CREB5: variants seen among roughly 807,000 people sequenced by gnomAD.
CREB5 encodes cAMP responsive element binding protein 5, also known as cyclic AMP-responsive element-binding protein 5.
A neutral mutation model predicts 57.1 loss-of-function variants in CREB5; 19 were observed. The ratio of observed to expected loss-of-function variants is 0.33; its 90% CI spans 0.23 to 0.49. CREB5 has a LOEUF of 0.49. Among genes scored for constraint, CREB5 ranks in the 20% least tolerant of loss-of-function variants. The probability of loss-of-function intolerance (pLI) is 0.99; values close to 1 mark genes in which losing one functional copy is unlikely to be tolerated. For missense variants in CREB5, 579 were observed against 671.6 expected (o/e 0.86, Z 1.52); for synonymous variants, 238 against 238.3 (o/e 1.00, Z 0.01).
rs116416563 is a variant in CREB5, at chr7:28,797,436, A to T, written c.703-6763A>T. On this transcript the variant is annotated intron_variant, in intron 7 of 10. Transcript: ENST00000357727. ...TTTGAATGATGTAATGTGACAAATC[A>T]TAGGAATATTTATTTTTCTAGGTCT... is the stretch of plus-strand genomic sequence containing the variant. 3.1e-3 allele frequency among the ~76,000 whole-genome samples: 479 copies of T among 152,328 alleles called. 3 individuals carry two copies. Among genetic ancestry groups the T allele is most frequent in the African/African-American group, 0.011 (455 of 41,580 alleles).
At chr7:28,787,729 A>AT (rs1480625421) in intron 7 of CREB5, among the ~76,000 whole-genome samples, 1 of 152,048 alleles carries the variant, frequency 6.6e-6, no homozygotes, top group Non-Finnish European at 1.5e-5. Context: ...TAATGTCTGT[A>AT]TTTTTTATAG....
At chr7:28,580,803 C>T (rs1025519107) in intron 5 of CREB5, among the ~76,000 whole-genome samples, 4 of 152,196 alleles carry the variant, frequency 2.6e-5, no homozygotes, top group East Asian at 3.9e-4. Context: ...CACAAAGGCC[C>T]GACCAATCAC....
At chr7:28,647,600 G>C (rs1798936871) in intron 5 of CREB5, among the ~76,000 whole-genome samples, 1 of 152,078 alleles carries the variant, frequency 6.6e-6, no homozygotes, top group Admixed American at 6.5e-5. Context: ...GCAACTTCTG[G>C]AGAAATTAAG....
intron 1 of CREB5, among the ~76,000 whole-genome samples, chr7:28,345,104 C>T (rs1218518850): frequency 6.6e-6 from 1 of 152,100 alleles, no homozygotes; most frequent in Non-Finnish European, 1.5e-5. Context: ...GACAGATCAA[C>T]CAGACAGAAA....
At chr7:28,736,520 A>T (rs951403651) in intron 7 of CREB5, among the ~76,000 whole-genome samples, 16 of 151,970 alleles carry the variant, frequency 1.1e-4, no homozygotes, top group African/African-American at 3.6e-4. Flanking sequence ...TAATTATCCC[A>T]CTCTCCTATG....
chr7:28,615,914 A>G (rs1487738667), intron 5 of CREB5: 2 of 152,144 alleles, frequency 1.3e-5, no homozygotes, highest in Admixed American at 6.5e-5. Context: ...TGTCACTGGT[A>G]TTTTCTCAGA....
At chr7:28,747,351 C>T (rs1462789536) in intron 7 of CREB5, among the ~76,000 whole-genome samples, 3 of 152,200 alleles carry the variant, frequency 2.0e-5, no homozygotes, top group Admixed American at 1.3e-4. Context: ...GTGTCAATCC[C>T]TCCTCATTAA....
At chr7:28,734,376 T>G (rs1167670572) in intron 7 of CREB5, among the ~76,000 whole-genome samples, 1 of 152,154 alleles carries the variant, frequency 6.6e-6, no homozygotes, top group South Asian at 2.1e-4. Context: ...TCTGTTCATA[T>G]AAGTAATACA....
chr7:28,703,687 A>G (rs577495620), intron 5 of CREB5, among the ~76,000 whole-genome samples: 2 of 152,256 alleles, frequency 1.3e-5, no homozygotes, highest in South Asian at 4.1e-4. Flanking sequence ...GCAGAGAGAG[A>G]GATAACTCAA....
At chr7:28,543,672 A>G (rs1794303634) in intron 4 of CREB5, among the ~76,000 whole-genome samples, 1 of 151,996 alleles carries the variant, frequency 6.6e-6, no homozygotes, top group East Asian at 1.9e-4. Context: ...AATAAATCTC[A>G]ATCCAGTCCA....
intron 7 of CREB5, among the ~76,000 whole-genome samples, chr7:28,751,224 G>A (rs1171662232): frequency 6.6e-6 from 1 of 151,480 alleles, no homozygotes; most frequent in Non-Finnish European, 1.5e-5. Context: ...ACTGTGGAGA[G>A]GAAAGGCATT....
chr7:28,366,567 C>T (rs2127993086), intron 1 of CREB5, among the ~76,000 whole-genome samples: 1 of 152,258 alleles, frequency 6.6e-6, no homozygotes, highest in South Asian at 2.1e-4. Flanking sequence ...CATAGAAGTG[C>T]TATCCAATTC....
intron 7 of CREB5, among the ~76,000 whole-genome samples, chr7:28,794,521 A>C (rs1807911678): frequency 6.6e-6 from 1 of 152,222 alleles, no homozygotes; most frequent in African/African-American, 2.4e-5. Flanking sequence ...TTCTAGGGCC[A>C]AATTAGTACC....
intron 4 of CREB5, among the ~76,000 whole-genome samples, chr7:28,560,881 T>TGTGCGCGTGTGTGTGC (rs1554344374): frequency 2.2e-5 from 1 of 46,206 alleles, no homozygotes; most frequent in African/African-American, 1.1e-4. Flanking sequence ...TGCGCGTGCG[T>TGTGCGCGTGTGTGTGC]GCGTGCGTGT....
At chr7:28,501,320 TGAAAA>T (rs1792263920) in intron 3 of CREB5, among the ~76,000 whole-genome samples, 1 of 152,180 alleles carries the variant, frequency 6.6e-6, no homozygotes, top group Non-Finnish European at 1.5e-5. Flanking sequence ...ACATAAGCAT[TGAAAA>T]GAACAAAGAG....
rs1383890646 is a variant in CREB5 at position 28,586,948 on chromosome 7, G to A, written c.464+16411G>A. 2.6e-5 allele frequency among the ~76,000 whole-genome samples: 4 copies of A among 152,296 alleles called. No individual in the cohort carries two copies. The East Asian group carries it at 5.8e-4, about 22-fold the overall frequency. On this transcript the variant is annotated intron_variant, in intron 5 of 10. Coordinates refer to ENST00000357727, the MANE Select transcript of CREB5 (RefSeq NM_182898.4). Reference sequence around the variant, plus strand: ...GAGTGTCCTGGCAGCATCCCACAGGGCATTTCTGATGGCAAAAATCCAGAC... The same window carrying A: ...GAGTGTCCTGGCAGCATCCCACAGGACATTTCTGATGGCAAAAATCCAGAC...
At chr7:28,317,601 C>T (rs546233794) in intron 1 of CREB5, among the ~76,000 whole-genome samples, 1 of 152,338 alleles carries the variant, frequency 6.6e-6, no homozygotes, top group East Asian at 1.9e-4. Context: ...TCACAATCTA[C>T]AATTATGTAA....
At chr7:28,454,517 A>G (rs1790004142) in intron 1 of CREB5, among the ~76,000 whole-genome samples, 2 of 152,040 alleles carry the variant, frequency 1.3e-5, no homozygotes, top group Middle Eastern at 3.4e-3. Flanking sequence ...CTCCTCATCC[A>G]TGTTCGCCAG....
At chr7:28,439,169 A>T (rs1789083623) in intron 1 of CREB5, among the ~76,000 whole-genome samples, 1 of 152,162 alleles carries the variant, frequency 6.6e-6, no homozygotes, top group Non-Finnish European at 1.5e-5. Flanking sequence ...CATCCTCTGT[A>T]TCGTAAGCTC....
Sources: allele counts gnomAD v4.1 joint callset (sites outside exome capture counted in the v4.1 genomes callset), GRCh38; gene constraint gnomAD v4.1.1; transcripts MANE v1.5; gene names NCBI Gene and HGNC (gene_info 2026-07-23, HGNC 2026-07-21).